The following IQGAP2 variants were observed in gnomAD, a reference collection of about 807,000 sequenced individuals.
IQGAP2 encodes the protein ras GTPase-activating-like protein IQGAP2.
A neutral mutation model predicts 201.3 loss-of-function variants in IQGAP2; 173 were observed. That is an observed-to-expected ratio of 0.86 (90% CI 0.76 to 0.98). The LOEUF (loss-of-function observed/expected upper bound fraction) is 0.98, where lower values mean the gene tolerates loss of function less well. IQGAP2 is among the 50% of genes least tolerant of loss of function. The pLI, the probability that IQGAP2 is intolerant of heterozygous loss-of-function variation, is 0.00. For missense variants in IQGAP2, 1,687 were observed against 1,864.8 expected (o/e 0.90, Z 1.76); for synonymous variants, 675 against 673.9 (o/e 1.00, Z -0.03).
At chr5:76,455,097 A>G (rs946664888) in intron 1 of IQGAP2, among the ~76,000 whole-genome samples, 8 of 152,296 alleles carry the variant, frequency 5.3e-5, no homozygotes, top group Non-Finnish European at 1.2e-4. Flanking sequence ...TGAAATTTAT[A>G]AATAATTCTT....
At chr5:76,615,433 CT>C (rs1748854881) in intron 13 of IQGAP2, 2 of 152,146 alleles carry the variant, frequency 1.3e-5, no homozygotes, top group African/African-American at 4.8e-5. Flanking sequence ...CATGTGGAAG[CT>C]TTTTACTTAA....
intron 2 of IQGAP2, among the ~76,000 whole-genome samples, chr5:76,477,955 A>T (rs181855514): frequency 6.6e-6 from 1 of 152,360 alleles, no homozygotes; most frequent in East Asian, 1.9e-4. Flanking sequence ...TTTGTACAGC[A>T]GTAAAATGTA....
chr5:76,632,135 G>T, intron 15 of IQGAP2, 109 bp downstream of exon 15: 1 of 947,074 alleles, frequency 1.1e-6, no homozygotes, highest in Non-Finnish European at 1.5e-6. Context: ...TAACATTTCT[G>T]TAATTTTTTG....
At position 76,707,861 on chromosome 5, in the gene IQGAP2, T is replaced by C. The variant is rs1748042619; in HGVS notation, c.*548T>C. ...AATGACAACACAATAACACTTTCTG[T>C]ATAAAAGTATATATTTTATGTGATT... On this transcript the variant is annotated 3_prime_UTR_variant, in exon 36 of 36. Coordinates refer to ENST00000274364, the MANE Select transcript of IQGAP2 (RefSeq NM_006633.5). The C allele has an allele frequency of 6.5e-6, 1 of 152,770 alleles. No individual in the cohort carries two copies. Among genetic ancestry groups the C allele is most frequent in the South Asian group, 2.1e-4 (1 of 4,842 alleles). 9.5% of individuals were successfully genotyped at this position (152,770 alleles called of 1,614,324 possible). A position where few individuals can be genotyped will look rare whatever the true frequency, so the allele number is the denominator to read the frequency against.
intron 1 of IQGAP2, among the ~76,000 whole-genome samples, chr5:76,440,171 A>G (rs1655128206): frequency 6.6e-6 from 1 of 152,162 alleles, no homozygotes; most frequent in African/African-American, 2.4e-5. Context: ...GGCTAAAGAT[A>G]GGACCCCAGT....
chr5:76,629,419 A>G (rs2909889), intron 14 of IQGAP2, among the ~76,000 whole-genome samples: 86,330 of 152,050 alleles, frequency 0.57, 24,609 homozygotes, highest in South Asian at 0.62. Flanking sequence ...AGCAAAATTT[A>G]AAAGGGCAGA....
chr5:76,667,906 A>C (rs1463717551), intron 22 of IQGAP2, among the ~76,000 whole-genome samples: 2 of 120,276 alleles, frequency 1.7e-5, no homozygotes, highest in African/African-American at 7.0e-5. Flanking sequence ...TTTTTGATAC[A>C]GAGTCTGTGT....
chr5:76,420,543 T>C (rs1014745974), intron 1 of IQGAP2, among the ~76,000 whole-genome samples: 13 of 152,120 alleles, frequency 8.5e-5, no homozygotes, highest in Middle Eastern at 3.4e-3. Context: ...GCCCGGCTAA[T>C]TTTTTGGATT....
At chr5:76,535,723 TTTTG>T (rs746511320) in intron 2 of IQGAP2, among the ~76,000 whole-genome samples, 11 of 152,166 alleles carry the variant, frequency 7.2e-5, no homozygotes, top group African/African-American at 2.2e-4. Flanking sequence ...ACTACTGTTA[TTTTG>T]TTTGTTTGTT....
At chr5:76,531,455 G>C (rs771220899) in intron 2 of IQGAP2, among the ~76,000 whole-genome samples, 18 of 152,056 alleles carry the variant, frequency 1.2e-4, no homozygotes, top group Non-Finnish European at 2.2e-4. Flanking sequence ...TTGAGGGACA[G>C]GGTTTTGCTA....
chr5:76,657,510 A>G (rs1396330401), intron 20 of IQGAP2, among the ~76,000 whole-genome samples: 2 of 152,218 alleles, frequency 1.3e-5, no homozygotes, highest in Non-Finnish European at 2.9e-5. Context: ...AAAACACCAC[A>G]GAACTAAGGT....
intron 22 of IQGAP2, among the ~76,000 whole-genome samples, chr5:76,667,877 C>CTTTTTTTTTT (rs540744402): frequency 4.9e-4 from 61 of 123,412 alleles, no homozygotes; most frequent in Middle Eastern, 4.8e-3. Context: ...AGTCCACTTT[C>CTTTTTTTTTT]TTTTTTTTTT....
intron 2 of IQGAP2, among the ~76,000 whole-genome samples, chr5:76,544,887 A>G (rs986919409): frequency 2.0e-5 from 3 of 152,150 alleles, no homozygotes; most frequent in Non-Finnish European, 4.4e-5. Context: ...ATAGAACTAT[A>G]TGTAGTTCTA....
intron 1 of IQGAP2, among the ~76,000 whole-genome samples, chr5:76,443,149 A>T (rs1420781471): frequency 1.3e-5 from 2 of 152,252 alleles, no homozygotes; most frequent in Non-Finnish European, 2.9e-5. Flanking sequence ...GAGAACGCTT[A>T]TTGCCCTACA....
At chr5:76,481,920 A>G (rs1232863287) in intron 2 of IQGAP2, among the ~76,000 whole-genome samples, 1 of 152,222 alleles carries the variant, frequency 6.6e-6, no homozygotes, top group Non-Finnish European at 1.5e-5. Flanking sequence ...AGGAAGAAGC[A>G]AGAAAGGTTA....
chr5:76,603,622 C>T (rs956939192), intron 11 of IQGAP2, among the ~76,000 whole-genome samples: 1 of 152,262 alleles, frequency 6.6e-6, no homozygotes, highest in East Asian at 1.9e-4. Flanking sequence ...TGCTTTTATA[C>T]CTTTTTGGAA....
chr5:76,502,012 C>T (rs1313903844), intron 2 of IQGAP2, among the ~76,000 whole-genome samples: 1 of 152,158 alleles, frequency 6.6e-6, no homozygotes, highest in Non-Finnish European at 1.5e-5. Flanking sequence ...GGGAGGAAGC[C>T]ACTCTCCTCC....
intron 2 of IQGAP2, among the ~76,000 whole-genome samples, chr5:76,487,851 C>T (rs1411821977): frequency 6.6e-6 from 1 of 152,194 alleles, no homozygotes; most frequent in African/African-American, 2.4e-5. Context: ...TTTGAATACT[C>T]AGACACATGG....
chr5:76,496,750 T>TTTC (rs1561416385), intron 2 of IQGAP2, among the ~76,000 whole-genome samples: 1 of 65,556 alleles, frequency 1.5e-5, no homozygotes, highest in Non-Finnish European at 3.0e-5. Context: ...TCTTTCTTTC[T>TTTC]TTCTTTCTTT....
Sources: gnomAD v4.1 joint callset for allele counts (sites outside exome capture counted in the v4.1 genomes callset) on GRCh38, gnomAD v4.1.1 for gene constraint, MANE v1.5 for transcripts, NCBI Gene and HGNC (gene_info 2026-07-23, HGNC 2026-07-21) for gene names.